Variants in THSD7B observed in about 807,000 individuals in gnomAD.
THSD7B encodes thrombospondin type-1 domain-containing protein 7B.
A neutral mutation model predicts 213.6 loss-of-function variants in THSD7B; 138 were observed. The ratio of observed to expected loss-of-function variants is 0.65; its 90% confidence interval spans 0.56 to 0.74. The LOEUF is 0.74. Ranked by LOEUF, THSD7B falls within the 30% of genes least tolerant of loss-of-function variation. THSD7B has a pLI of 0.00. For missense variants in THSD7B, 1,931 were observed against 1,991.5 expected, an observed-to-expected ratio of 0.97 and a Z score of 0.58; for synonymous variants, 742 against 687.0, an observed-to-expected ratio of 1.08 and a Z score of -1.25.
At chr2:136,973,135 A>G (rs1573742629) in intron 2 of THSD7B, among the ~76,000 whole-genome samples, 1 of 152,190 alleles carries the variant, frequency 6.6e-6, no homozygotes, top group East Asian at 1.9e-4. Flanking sequence ...CTTAGGAAGC[A>G]CAAAGATTAT....
At chr2:137,194,036 C>T (rs1558953622) in intron 7 of THSD7B, among the ~76,000 whole-genome samples, 2 of 152,116 alleles carry the variant, frequency 1.3e-5, no homozygotes, top group East Asian at 3.9e-4. Context: ...TAGCCAAGGC[C>T]ATACAGGCCT....
chr2:137,648,288 A>C (rs1214053454), intron 21 of THSD7B, among the ~76,000 whole-genome samples: 1 of 152,174 alleles, frequency 6.6e-6, no homozygotes, highest in African/African-American at 2.4e-5. Flanking sequence ...TGTAAGCTAT[A>C]GTCACCCTAC....
chr2:137,315,433 A>G (rs6760756), intron 12 of THSD7B, among the ~76,000 whole-genome samples: 109,938 of 151,912 alleles, frequency 0.72, 39,878 homozygotes, highest in East Asian at 0.81. Context: ...GATGAACCCG[A>G]TACCTCAGAT....
At chr2:137,547,016 C>A (rs1680754039) in intron 15 of THSD7B, among the ~76,000 whole-genome samples, 3 of 151,978 alleles carry the variant, frequency 2.0e-5, no homozygotes, top group Non-Finnish European at 4.4e-5. Context: ...TCACTGTCTG[C>A]CTCAGAAGAA....
intron 2 of THSD7B, among the ~76,000 whole-genome samples, chr2:136,998,450 C>A (rs1685937470): frequency 6.6e-6 from 1 of 152,058 alleles, no homozygotes; most frequent in Non-Finnish European, 1.5e-5. Flanking sequence ...ATGGCTGCTG[C>A]TTTGCTCCTT....
chr2:136,859,533 A>G (rs546909224), intron 1 of THSD7B, among the ~76,000 whole-genome samples: 179 of 152,294 alleles, frequency 1.2e-3, no homozygotes, highest in African/African-American at 4.1e-3. Context: ...AGAGAGTAGA[A>G]GAATTTACAA....
At chr2:137,305,554 C>T (rs1683721679) in intron 12 of THSD7B, among the ~76,000 whole-genome samples, 1 of 152,114 alleles carries the variant, frequency 6.6e-6, no homozygotes, top group East Asian at 1.9e-4. Context: ...CTTGGAGTCC[C>T]AGAAGCTAAA....
chr2:137,162,100 A>G (rs575858261), intron 6 of THSD7B, among the ~76,000 whole-genome samples: 12 of 152,342 alleles, frequency 7.9e-5, no homozygotes, highest in African/African-American at 2.4e-4. Context: ...ATTGATAACC[A>G]GCCTAAGTCA....
intron 9 of THSD7B, among the ~76,000 whole-genome samples, chr2:137,238,127 G>T (rs541824463): frequency 6.6e-6 from 1 of 152,154 alleles, no homozygotes; most frequent in African/African-American, 2.4e-5. Context: ...GACAATATCA[G>T]TTCCCTAAAA....
intron 17 of THSD7B, among the ~76,000 whole-genome samples, chr2:137,577,303 A>G (rs959094521): frequency 2.0e-5 from 3 of 152,112 alleles, no homozygotes; most frequent in Admixed American, 6.6e-5. Flanking sequence ...AGGGTGCCTC[A>G]TTTCGTGCAT....
chr2:136,872,485 G>A (rs1683445748), intron 1 of THSD7B, among the ~76,000 whole-genome samples: 1 of 151,984 alleles, frequency 6.6e-6, no homozygotes, highest in Non-Finnish European at 1.5e-5. Flanking sequence ...TCACATGGCA[G>A]CCCTAGCTAC....
chr2:136,903,175 A>G (rs1333947723), intron 2 of THSD7B, among the ~76,000 whole-genome samples: 1 of 152,124 alleles, frequency 6.6e-6, no homozygotes, highest in Admixed American at 6.6e-5. Context: ...TTTAAAAAAA[A>G]TATGAAATTA....
intron 5 of THSD7B, among the ~76,000 whole-genome samples, chr2:137,149,720 A>T (rs1295956028): frequency 6.6e-6 from 1 of 152,202 alleles, no homozygotes; most frequent in Non-Finnish European, 1.5e-5. Context: ...TGGGGCCTGT[A>T]GCCCCTTCAT....
At chr2:137,181,648 T>C (rs1680457003) in intron 7 of THSD7B, among the ~76,000 whole-genome samples, 1 of 152,150 alleles carries the variant, frequency 6.6e-6, no homozygotes, top group South Asian at 2.1e-4. Context: ...TGAAGGTAGC[T>C]CTGTGGACCA....
chr2:136,815,864 G>A (rs2104933755), intron 1 of THSD7B, among the ~76,000 whole-genome samples: 1 of 152,160 alleles, frequency 6.6e-6, no homozygotes, highest in Non-Finnish European at 1.5e-5. Context: ...AGAGCATCAG[G>A]CGAGGGATGT....
chr2:137,477,967 A>G (rs1688226846), intron 15 of THSD7B, among the ~76,000 whole-genome samples: 1 of 151,584 alleles, frequency 6.6e-6, no homozygotes, highest in Admixed American at 6.6e-5. Context: ...TCTAATGGAG[A>G]TTCCCTTATA....
intron 7 of THSD7B, among the ~76,000 whole-genome samples, chr2:137,178,753 A>G (rs1240473566): frequency 6.6e-6 from 1 of 152,206 alleles, no homozygotes; most frequent in Non-Finnish European, 1.5e-5. Flanking sequence ...AGGTTTAAAT[A>G]TATTTACTGT....
At chr2:137,114,247 A>G (rs1688404103) in intron 4 of THSD7B, among the ~76,000 whole-genome samples, 1 of 152,230 alleles carries the variant, frequency 6.6e-6, no homozygotes, top group South Asian at 2.1e-4. Context: ...TTCAGAATTT[A>G]ATGAGTCTCT....
chr2:137,643,041 A>T (rs1221159187), intron 21 of THSD7B, among the ~76,000 whole-genome samples: 1 of 152,246 alleles, frequency 6.6e-6, no homozygotes, highest in Non-Finnish European at 1.5e-5. Flanking sequence ...TTAGGGTTAG[A>T]CAAAATCTTG....
Sources: gnomAD v4.1 joint callset for allele counts (sites outside exome capture counted in the v4.1 genomes callset) on GRCh38, gnomAD v4.1.1 for gene constraint, MANE v1.5 for transcripts, NCBI Gene and HGNC (gene_info 2026-07-23, HGNC 2026-07-21) for gene names.